The following TATDN3 variants were observed in gnomAD, a reference collection of about 807,000 sequenced individuals.
The protein encoded by TATDN3 is TatD DNase domain containing 3.
TATDN3 carries 29 observed loss-of-function variants against 40.1 expected under a neutral mutation model. The ratio of observed to expected loss-of-function variants is 0.72; its 90% CI spans 0.54 to 0.99. The LOEUF (loss-of-function observed/expected upper bound fraction) is 0.99, where lower values mean the gene tolerates loss of function less well. Among genes scored for constraint, TATDN3 ranks in the 50% least tolerant of loss-of-function variants. The pLI, the probability that TATDN3 is intolerant of heterozygous loss-of-function variation, is 0.00. For missense variants in TATDN3, 309 were observed against 321.9 expected (o/e 0.96, Z 0.31); for synonymous variants, 105 against 117.0 (o/e 0.90, Z 0.66).
rs773840526 is a variant in TATDN3 at position 212,795,072 on chromosome 1, G to A, written c.67-23G>A. The A allele has an allele frequency of 1.9e-6, 3 of 1,602,342 alleles. No homozygotes were observed. The South Asian group carries it at 3.3e-5, about 18-fold the overall frequency. On this transcript the variant is annotated intron_variant, in intron 1 of 9. Transcript: ENST00000366974. ...AGCTGCTTATTCATCTAAAATAATG[G>A]TGATTTCTTATGCTTGTTTTAGGAT... is the stretch of plus-strand genomic sequence containing the variant.
In TATDN3 at chr1:212,815,469, G is replaced by A; in HGVS notation, c.*313G>A. 1 of 233,948 alleles carries A rather than the reference G, an allele frequency of 4.3e-6. No homozygotes were observed. Among genetic ancestry groups the A allele is most frequent in the East Asian group, 1.1e-4 (1 of 9,140 alleles). 14.5% of individuals were successfully genotyped at this position (233,948 alleles called of 1,614,324 possible). A position where few individuals can be genotyped will look rare whatever the true frequency, so the allele number is the denominator to read the frequency against. The stretch of plus-strand genomic sequence containing the variant: ...TGAAACCATTGCTACTGGGAAGGGT[G>A]GCTCCCACAGGAAGAGTATAAGCAC... On this transcript the variant is annotated 3_prime_UTR_variant, in exon 10 of 10. Transcript: ENST00000366974.
intron 5 of TATDN3, among the ~76,000 whole-genome samples, chr1:212,803,602 G>A (rs553935408): frequency 1.1e-4 from 17 of 152,204 alleles, no homozygotes; most frequent in African/African-American, 4.1e-4. Flanking sequence ...ATAGTCCCAG[G>A]AGGAGTCATC....
intron 2 of TATDN3, among the ~76,000 whole-genome samples, chr1:212,795,663 T>C (rs1405000165): frequency 6.6e-6 from 1 of 152,208 alleles, no homozygotes; most frequent in Admixed American, 6.5e-5. Context: ...TCTACCCACC[T>C]TGGGCTCCCA....
chr1:212,802,820 G>A, intron 5 of TATDN3, 57 bp downstream of exon 5: 1 of 1,205,220 alleles, frequency 8.3e-7, no homozygotes, highest in South Asian at 1.2e-5. Flanking sequence ...TATGATATAT[G>A]AAAATAATCT....
At chr1:212,807,401 C>A (rs373995130) in intron 7 of TATDN3, among the ~76,000 whole-genome samples, 6 of 152,062 alleles carry the variant, frequency 3.9e-5, no homozygotes, top group African/African-American at 1.4e-4. Context: ...TACAGGCCTG[C>A]ACCACCATGC....
chr1:212,806,916 A>G (rs1408339540), intron 7 of TATDN3, among the ~76,000 whole-genome samples: 1 of 119,560 alleles, frequency 8.4e-6, no homozygotes, highest in African/African-American at 3.6e-5. Context: ...ATATACACAT[A>G]TATACATATA....
intron 7 of TATDN3, among the ~76,000 whole-genome samples, chr1:212,805,192 C>T (rs1662382912): frequency 6.6e-6 from 1 of 151,866 alleles, no homozygotes; most frequent in Admixed American, 6.6e-5. Context: ...GAACTCCTGA[C>T]CTCAAGTGAT....
At chr1:212,814,908 G>T in intron 9 of TATDN3, 105 bp from the exon 10 acceptor site, 1 of 1,275,168 alleles carries the variant, frequency 7.8e-7, no homozygotes, top group Non-Finnish European at 1.1e-6. Context: ...TTAAAAAGGA[G>T]CCCATCAGTT....
At chr1:212,802,882 C>T in intron 5 of TATDN3, 119 bp downstream of exon 5, 3 of 630,688 alleles carry the variant, frequency 4.8e-6, no homozygotes, top group Non-Finnish European at 5.4e-6. Context: ...GTTCACCCCA[C>T]TTAGCCAAAT....
chr1:212,814,538 A>G (rs969112283), intron 9 of TATDN3, among the ~76,000 whole-genome samples: 3 of 152,218 alleles, frequency 2.0e-5, no homozygotes, highest in African/African-American at 7.2e-5. Flanking sequence ...GAGATGTTAA[A>G]ATAGGAGAGG....
intron 7 of TATDN3, 77 bp downstream of exon 7, chr1:212,804,728 A>G: frequency 3.0e-6 from 4 of 1,339,510 alleles, no homozygotes; most frequent in Non-Finnish European, 3.2e-6. Context: ...AAAGCAAGCC[A>G]TGTTTTAATC....
intron 4 of TATDN3, 121 bp downstream of exon 4, chr1:212,797,317 C>T: frequency 1.4e-6 from 1 of 714,782 alleles, no homozygotes; most frequent in Non-Finnish European, 2.3e-6. Flanking sequence ...GGAAACATTA[C>T]CTTCTTTAAC....
At chr1:212,793,625 G>A (rs1183384020) in intron 1 of TATDN3, among the ~76,000 whole-genome samples, 1 of 152,224 alleles carries the variant, frequency 6.6e-6, no homozygotes, top group Non-Finnish European at 1.5e-5. Context: ...GATGTTGGCT[G>A]TTGGTACTAT....
intron 4 of TATDN3, among the ~76,000 whole-genome samples, chr1:212,801,131 A>G (rs1662151737): frequency 6.6e-6 from 1 of 151,916 alleles, no homozygotes; most frequent in Non-Finnish European, 1.5e-5. Flanking sequence ...TCAAGGCTGC[A>G]GTGAGCTATG....
In TATDN3 at chr1:212,816,679, A is replaced by G. The variant is rs1054169950; in HGVS notation, c.*1523A>G. 4 of 152,238 alleles carry G rather than the reference A, an allele frequency of 2.6e-5. No homozygotes were observed. Among genetic ancestry groups the G allele is most frequent in the Admixed American group, 1.3e-4 (2 of 15,274 alleles). 9.4% of individuals were successfully genotyped at this position (152,238 alleles called of 1,614,324 possible). A position where few individuals can be genotyped will look rare whatever the true frequency, so the allele number is the denominator to read the frequency against. On this transcript the variant is annotated 3_prime_UTR_variant, in exon 10 of 10. Transcript: ENST00000366974. Reference sequence around the variant, plus strand: ...TTTGAAATGAATTCATTTATGGAAGAATCAAAACTAGGTCAGATTGTCCAA... The same window carrying G: ...TTTGAAATGAATTCATTTATGGAAGGATCAAAACTAGGTCAGATTGTCCAA...
intron 7 of TATDN3, among the ~76,000 whole-genome samples, chr1:212,806,395 G>A (rs1662468550): frequency 8.1e-6 from 1 of 123,288 alleles, no homozygotes; most frequent in Non-Finnish European, 1.6e-5. Flanking sequence ...TTTTGAGACT[G>A]GGTCTGACAC....
Position 212,802,726 on chromosome 1 carries a change from T to C in TATDN3, c.284T>C (p.Ile95Thr), listed in dbSNP as rs1662243557. Residue 95 changes from isoleucine (I) to threonine (T), a missense_variant, in exon 5 of 10, where the codon ATT (isoleucine) becomes ACT (threonine). Physicochemically the swap from Ile to Thr is moderately conservative, Grantham distance 89. Transcript: ENST00000366974. ...GATTTGGATGTAGCTTTGCCCATTATTGAGAATTATAAGGATCGGTTGTTG... is the reference window on the plus strand; with the variant it reads ...GATTTGGATGTAGCTTTGCCCATTACTGAGAATTATAAGGATCGGTTGTTG... ...LKDLDVALPI[I>T]ENYKDRLLAI... 1.2e-6 allele frequency: 2 copies of C among 1,613,166 alleles called. No individual in the cohort carries two copies. Among genetic ancestry groups the C allele is most frequent in the African/African-American group, 1.3e-5 (1 of 74,908 alleles).
Position 212,800,784 on chromosome 1 carries a change from C to T in TATDN3, c.259-1917C>T, listed in dbSNP as rs559005579. Reference sequence around the variant, plus strand: ...GACCTGGCCTACTGACTTCTGTGATCTGTGGCACATTACTTACCTTTGCCA... The same window carrying T: ...GACCTGGCCTACTGACTTCTGTGATTTGTGGCACATTACTTACCTTTGCCA... On this transcript the variant is annotated intron_variant, in intron 4 of 9. Transcript: ENST00000366974. Among the ~76,000 whole-genome samples, 4 of 151,938 alleles carry T rather than the reference C, an allele frequency of 2.6e-5. No individual in the cohort carries two copies. In the South Asian group the frequency reaches 8.3e-4, roughly 32 times the overall value.
chr1:212,811,038 AG>A (rs1662841035), intron 8 of TATDN3, among the ~76,000 whole-genome samples: 1 of 152,274 alleles, frequency 6.6e-6, no homozygotes, highest in Admixed American at 6.5e-5. Context: ...GCTGGGGTGC[AG>A]TGATGTGATC....
Sources: gnomAD v4.1 joint callset for allele counts (sites outside exome capture counted in the v4.1 genomes callset) on GRCh38, gnomAD v4.1.1 for gene constraint, MANE v1.5 for transcripts, NCBI Gene and HGNC (gene_info 2026-07-23, HGNC 2026-07-21) for gene names.